The following SETD2 variants were observed in gnomAD, a reference collection of about 807,000 sequenced individuals.
SETD2 encodes SET domain containing 2, histone lysine methyltransferase.
A neutral mutation model predicts 242.1 loss-of-function variants in SETD2; 31 were observed. The ratio of observed to expected loss-of-function variants is 0.13; its 90% CI spans 0.10 to 0.17. SETD2 has a LOEUF of 0.17. SETD2 is among the 10% of genes least tolerant of loss of function. The probability of loss-of-function intolerance (pLI) is 1.00; values close to 1 mark genes in which losing one functional copy is unlikely to be tolerated. For missense variants in SETD2, 2,481 were observed against 3,046.3 expected (o/e 0.81, Z 4.37); for synonymous variants, 1,006 against 1,066.5 (o/e 0.94, Z 1.11).
chr3:47,163,031 A>C (rs1488671343), intron 1 of SETD2, among the ~76,000 whole-genome samples: 1 of 152,208 alleles, frequency 6.6e-6, no homozygotes, highest in South Asian at 2.1e-4. Context: ...CAAGAAATAG[A>C]AAGTCATCCG....
intron 2 of SETD2, among the ~76,000 whole-genome samples, chr3:47,125,180 G>A (rs149013264): frequency 3.9e-4 from 60 of 152,054 alleles, no homozygotes; most frequent in Non-Finnish European, 5.6e-4. Flanking sequence ...TTAGCAGGGT[G>A]TGGCAGCATG....
rs1360418212 is a variant in SETD2, at chr3:47,124,100, T to C, written c.536A>G (p.Glu179Gly). The C allele has an allele frequency of 1.9e-6, 3 of 1,551,958 alleles. No individual in the cohort carries two copies. The highest frequency in any genetic ancestry group is 8.7e-7 in the Non-Finnish European group (1 of 1,147,046). ...HAAPLPAVIAESTTVDSPPSS... is the reference protein window; with the variant it reads ...HAAPLPAVIAGSTTVDSPPSS... ...GGGCGGTGAGTCTACAGTTGTTGAT[T>C]CTGCTATCACTGCTGGTAATGGTGC... is the stretch of plus-strand genomic sequence containing the variant. The change falls in exon 3 of 21, where the codon GAA becomes GGA. Residue 179 changes from glutamate to glycine, a missense_variant. This residue lies in a region of SETD2 where 334 missense variants were observed against 374.5 expected (regional missense o/e 0.89). Transcript: ENST00000409792.
chr3:47,117,278 AAACAAAC>A (rs1320896112), intron 3 of SETD2, among the ~76,000 whole-genome samples: 3 of 84,610 alleles, frequency 3.5e-5, no homozygotes, highest in African/African-American at 1.7e-4. Context: ...AAAAAAAAAA[AAACAAAC>A]AAAAAAAAAA....
chr3:47,058,035 T>TAAAAGC (rs2040153760), intron 14 of SETD2, among the ~76,000 whole-genome samples: 3 of 152,056 alleles, frequency 2.0e-5, no homozygotes, highest in Non-Finnish European at 4.4e-5. Flanking sequence ...GAGAGCCTCT[T>TAAAAGC]AAAAGCAGAC....
chr3:47,156,788 A>G (rs966249958), intron 1 of SETD2, among the ~76,000 whole-genome samples: 4 of 152,202 alleles, frequency 2.6e-5, no homozygotes, highest in Non-Finnish European at 5.9e-5. Context: ...TGGTAACCAC[A>G]TGATACTTTC....
At chr3:47,113,017 AC>A (rs529948743) in intron 5 of SETD2, among the ~76,000 whole-genome samples, 196 of 152,352 alleles carry the variant, frequency 1.3e-3, no homozygotes, top group African/African-American at 4.6e-3. Flanking sequence ...ATGGAAAGCA[AC>A]ATTTATTCAT....
intron 11 of SETD2, among the ~76,000 whole-genome samples, chr3:47,084,753 T>C (rs2041478289): frequency 6.6e-6 from 1 of 151,058 alleles, no homozygotes; most frequent in South Asian, 2.1e-4. Flanking sequence ...TTTTTTGAGA[T>C]GGAGTTTCGC....
chr3:47,123,861 T>C lies in SETD2; in HGVS notation c.775A>G (p.Ile259Val), dbSNP rs750623264. The change falls in exon 3 of 21, where the codon ATA becomes GTA. Residue 259 changes from isoleucine (I) to valine (V), a missense_variant. Coordinates refer to ENST00000409792, the MANE Select transcript of SETD2 (RefSeq NM_014159.7). ...ACGTGTTCTTCTAAACTATTAGATA[T>C]AGTGTCCTGCTTAGTATCTGCTTCT... ...SLEADTKQDT[I>V]SNSLEEHVTQ... The C allele has an allele frequency of 1.7e-5, 27 of 1,551,226 alleles. No homozygotes were observed. The highest frequency in any genetic ancestry group is 2.4e-5 in the South Asian group (2 of 84,046).
intron 9 of SETD2, 142 bp from the exon 10 acceptor site, chr3:47,088,389 A>C: frequency 1.4e-6 from 1 of 701,126 alleles, no homozygotes; most frequent in Non-Finnish European, 2.3e-6. Context: ...GACTGGGGGA[A>C]AAAGTTAAGA....
chr3:47,097,385 T>C (rs1220285552), intron 9 of SETD2, among the ~76,000 whole-genome samples: 1 of 152,168 alleles, frequency 6.6e-6, no homozygotes, highest in African/African-American at 2.4e-5. Context: ...TTGCAATTGA[T>C]AGTCCCTTTA....
At chr3:47,134,742 G>C (rs2043555336) in intron 1 of SETD2, among the ~76,000 whole-genome samples, 1 of 151,908 alleles carries the variant, frequency 6.6e-6, no homozygotes, top group African/African-American at 2.4e-5. Flanking sequence ...TCCTCCCTCA[G>C]CCACTGGAGT....
intron 1 of SETD2, among the ~76,000 whole-genome samples, chr3:47,161,757 T>A (rs1006740022): frequency 2.0e-5 from 3 of 152,032 alleles, no homozygotes; most frequent in Non-Finnish European, 4.4e-5. Context: ...TAATTTATTT[T>A]TTTTTAATTA....
At chr3:47,019,418 G>C (rs566158900) in intron 19 of SETD2, among the ~76,000 whole-genome samples, 1 of 152,302 alleles carries the variant, frequency 6.6e-6, no homozygotes, top group Admixed American at 6.5e-5. Context: ...TCACCAATGT[G>C]TCATTCACAT....
intron 4 of SETD2, 33 bp downstream of exon 4, chr3:47,116,590 T>C (rs752055717): frequency 6.3e-7 from 1 of 1,587,418 alleles, no homozygotes; most frequent in South Asian, 1.1e-5. Flanking sequence ...AATAGAAGTG[T>C]TGAGCAAAAG....
Position 47,122,820 on chromosome 3 carries a change from T to C in SETD2, c.1816A>G (p.Asn606Asp), listed in dbSNP as rs1287155457. The C allele has an allele frequency of 3.7e-6, 6 of 1,613,566 alleles. No individual in the cohort carries two copies. Among genetic ancestry groups the C allele is most frequent in the Non-Finnish European group, 5.1e-6 (6 of 1,179,856 alleles). ...KGSELRMINK[N>D]PEREKAGSPA... ...GACCCAGCCTTTTCTCTTTCAGGAT[T>C]TTTATTAATCATTCTTAATTCACTA... Residue 606 changes from asparagine (N) to aspartate (D), a missense_variant, in exon 3 of 21, where the codon AAT becomes GAT. Coordinates refer to ENST00000409792, the MANE Select transcript of SETD2 (RefSeq NM_014159.7).
intron 5 of SETD2, among the ~76,000 whole-genome samples, chr3:47,108,630 A>G (rs989094958): frequency 6.6e-6 from 1 of 152,232 alleles, no homozygotes; most frequent in Non-Finnish European, 1.5e-5. Flanking sequence ...CCAGCCAGTA[A>G]ATCACTCAGA....
At chr3:47,130,789 A>G (rs2043458142) in intron 1 of SETD2, among the ~76,000 whole-genome samples, 1 of 152,202 alleles carries the variant, frequency 6.6e-6, no homozygotes, top group Admixed American at 6.5e-5. Flanking sequence ...AAAAAAAAGA[A>G]TATGTTAGCC....
intron 1 of SETD2, among the ~76,000 whole-genome samples, chr3:47,128,129 G>A (rs1559754703): frequency 6.6e-6 from 1 of 152,226 alleles, no homozygotes; most frequent in Non-Finnish European, 1.5e-5. Context: ...GCAGTGGTCA[G>A]GTTTCTCATG....
intron 18 of SETD2, among the ~76,000 whole-genome samples, chr3:47,027,574 T>TA (rs966235620): frequency 2.3e-4 from 34 of 150,870 alleles, no homozygotes; most frequent in African/African-American, 6.3e-4. Context: ...TAATAAAATT[T>TA]AAAAAAAAAT....
Sources: gnomAD v4.1 joint callset for allele counts (sites outside exome capture counted in the v4.1 genomes callset) on GRCh38, gnomAD v4.1.1 for gene constraint, gnomAD v4.1.1 regional missense constraint, MANE v1.5 for transcripts, NCBI Gene and HGNC (gene_info 2026-07-23, HGNC 2026-07-21) for gene names.